Variants in MAMDC2 observed in about 807,000 individuals in gnomAD.
MAMDC2 encodes the protein MAM domain containing 2, also known as MAM domain-containing protein 2.
Under a neutral mutation model 89.8 loss-of-function variants are expected in MAMDC2, and 57 were observed. The observed-to-expected ratio is 0.63, with a 90% CI of 0.51 to 0.79. The LOEUF is 0.79. MAMDC2 is among the 30% of genes least tolerant of loss of function. MAMDC2 has a pLI of 0.00. For synonymous variants in MAMDC2, 313 were observed against 293.4 expected (o/e 1.07, Z -0.68); for missense variants, 800 against 820.6 (o/e 0.97, Z 0.31).
intron 2 of MAMDC2, among the ~76,000 whole-genome samples, chr9:70,067,994 C>T (rs983011204): frequency 2.0e-5 from 3 of 152,158 alleles, no homozygotes; most frequent in Admixed American, 1.3e-4. Context: ...TGAAGAGAAT[C>T]CCTAATCTGT....
chr9:70,113,238 G>A, intron 5 of MAMDC2, 106 bp downstream of exon 5: 1 of 1,283,348 alleles, frequency 7.8e-7, no homozygotes, highest in Non-Finnish European at 1.1e-6. Context: ...AGGGAAGAGA[G>A]GAGGGAGGAG....
chr9:70,050,523 A>C (rs564624478), intron 2 of MAMDC2, among the ~76,000 whole-genome samples: 1 of 152,356 alleles, frequency 6.6e-6, no homozygotes, highest in Non-Finnish European at 1.5e-5. Flanking sequence ...CTTGGCTATA[A>C]AATTGAGATA....
At chr9:70,052,166 T>C (rs1257971380) in intron 2 of MAMDC2, among the ~76,000 whole-genome samples, 1 of 152,150 alleles carries the variant, frequency 6.6e-6, no homozygotes, top group Non-Finnish European at 1.5e-5. Flanking sequence ...TGGAATGGCT[T>C]TCAACTCCCC....
intron 5 of MAMDC2, 58 bp from the exon 6 acceptor site, chr9:70,126,101 C>T: frequency 6.6e-7 from 1 of 1,513,016 alleles, no homozygotes; most frequent in Non-Finnish European, 9.0e-7. Flanking sequence ...TCGCCTGAAC[C>T]TCTTCCCCTC....
chr9:70,053,268 G>A (rs1334415688), intron 2 of MAMDC2, among the ~76,000 whole-genome samples: 1 of 152,176 alleles, frequency 6.6e-6, no homozygotes, highest in Admixed American at 6.5e-5. Context: ...ATTTGCATGT[G>A]TTTTATGGGA....
chr9:70,174,781 G>C (rs2032447288), intron 11 of MAMDC2, among the ~76,000 whole-genome samples: 1 of 148,368 alleles, frequency 6.7e-6, no homozygotes, highest in Non-Finnish European at 1.5e-5. Flanking sequence ...CTGGAGTGCT[G>C]TGGTGTGATC....
chr9:70,164,737 C>T (rs1447688057), intron 9 of MAMDC2, among the ~76,000 whole-genome samples: 2 of 151,866 alleles, frequency 1.3e-5, no homozygotes, highest in Admixed American at 6.6e-5. Context: ...CAGGCTCCAA[C>T]TCCTGGGTTC....
At chr9:70,224,258 G>C (rs966837556) in intron 12 of MAMDC2, among the ~76,000 whole-genome samples, 1 of 152,060 alleles carries the variant, frequency 6.6e-6, no homozygotes, top group Non-Finnish European at 1.5e-5. Flanking sequence ...AGGTGAGAGA[G>C]ATATGAAAGG....
At chr9:70,106,367 C>T (rs545705418) in intron 2 of MAMDC2, among the ~76,000 whole-genome samples, 1 of 152,086 alleles carries the variant, frequency 6.6e-6, no homozygotes, top group Non-Finnish European at 1.5e-5. Context: ...CCATGTCCAA[C>T]TCTCTACTTC....
At chr9:70,225,947 T>C (rs751335727) in intron 13 of MAMDC2, 21 bp from the exon 14 acceptor site, 12 of 1,525,252 alleles carry the variant, frequency 7.9e-6, no homozygotes, top group Non-Finnish European at 9.0e-6. Context: ...ACTGTTATTG[T>C]ATATTTGTCT....
intron 11 of MAMDC2, among the ~76,000 whole-genome samples, chr9:70,178,347 GA>G (rs922951515): frequency 9.2e-5 from 14 of 151,544 alleles, no homozygotes; most frequent in African/African-American, 2.7e-4. Flanking sequence ...GAGCAAGAGG[GA>G]ACCAAACTCA....
At chr9:70,160,048 C>T (rs1160115079) in intron 9 of MAMDC2, among the ~76,000 whole-genome samples, 2 of 151,930 alleles carry the variant, frequency 1.3e-5, no homozygotes, top group East Asian at 1.9e-4. Context: ...CCTGTCTCTA[C>T]TAAAAGTAAA....
At position 70,174,293 on chromosome 9, in the gene MAMDC2, T is replaced by C. The variant is rs1490789466; in HGVS notation, c.1651+3662T>C. On this transcript the variant is annotated intron_variant, in intron 11 of 13. Transcript: ENST00000377182. ...GAACAAAACAGACAAGCATTTACCC[T>C]CACGGAACTTCTAGTAGAGGAGACA... Among the ~76,000 whole-genome samples the C allele has an allele frequency of 2.0e-5, 3 of 152,174 alleles. No homozygotes were observed. In the East Asian group the frequency reaches 5.8e-4, roughly 29 times the overall value.
intron 11 of MAMDC2, among the ~76,000 whole-genome samples, chr9:70,192,236 CT>C (rs1014877831): frequency 2.6e-5 from 4 of 152,042 alleles, no homozygotes; most frequent in African/African-American, 9.7e-5. Flanking sequence ...AAAAAATGGT[CT>C]TTTTTTCTAA....
chr9:70,203,595 G>T (rs1343570317), intron 11 of MAMDC2, among the ~76,000 whole-genome samples: 4 of 76,530 alleles, frequency 5.2e-5, no homozygotes, highest in Non-Finnish European at 8.8e-5. Flanking sequence ...GAATCTGAAC[G>T]TTGGCCTGCC....
chr9:70,195,695 A>T (rs1448329213), intron 11 of MAMDC2, among the ~76,000 whole-genome samples: 1 of 152,010 alleles, frequency 6.6e-6, no homozygotes, highest in East Asian at 1.9e-4. Flanking sequence ...CATCTCCATT[A>T]TCAGATGTTC....
intron 11 of MAMDC2, among the ~76,000 whole-genome samples, chr9:70,213,493 T>G (rs2033393868): frequency 6.6e-6 from 1 of 152,202 alleles, no homozygotes; most frequent in South Asian, 2.1e-4. Context: ...ATGTGTAGGA[T>G]AGCATTGGAT....
At chr9:70,221,378 T>TAGAGAGAGAG (rs1212981557) in intron 12 of MAMDC2, among the ~76,000 whole-genome samples, 3 of 5,500 alleles carry the variant, frequency 5.5e-4, no homozygotes, top group African/African-American at 1.4e-3. Context: ...TATATATATA[T>TAGAGAGAGAG]ATAGAGAGAG....
chr9:70,119,568 A>G (rs2030192007), intron 5 of MAMDC2, among the ~76,000 whole-genome samples: 1 of 152,170 alleles, frequency 6.6e-6, no homozygotes, highest in Non-Finnish European at 1.5e-5. Context: ...TGGATGACTT[A>G]CTGTGGCTTT....
Sources: allele counts gnomAD v4.1 joint callset (sites outside exome capture counted in the v4.1 genomes callset), GRCh38; gene constraint gnomAD v4.1.1; transcripts MANE v1.5; gene names NCBI Gene and HGNC (gene_info 2026-07-23, HGNC 2026-07-21).